The following SERPING1 variants were observed in gnomAD, a reference collection of about 807,000 sequenced individuals.
The protein encoded by SERPING1 is plasma protease C1 inhibitor.
SERPING1 carries 5 observed loss-of-function variants against 34.1 expected under a neutral mutation model. The observed-to-expected ratio is 0.15, with a 90% CI of 0.08 to 0.31. SERPING1 has a LOEUF of 0.31. SERPING1 is among the 10% of genes least tolerant of loss of function. SERPING1 has a pLI of 1.00. For synonymous variants in SERPING1, 225 were observed against 242.4 expected (o/e 0.93, Z 0.67); for missense variants, 505 against 609.5 (o/e 0.83, Z 1.81).
At position 57,598,315 on chromosome 11, in the gene SERPING1, G is replaced by A. The variant is rs1442865628; in HGVS notation, c.45G>A (p.Leu15=). The A allele has an allele frequency of 6.4e-7, 1 of 1,563,900 alleles. No individual in the cohort carries two copies. Among genetic ancestry groups the A allele is most frequent in the Non-Finnish European group, 8.7e-7 (1 of 1,155,476 alleles). ...LTLLTLLLLL[L]AGDRASSNPN... ...TGCTGACCCTCCTGCTGCTGCTGCT[G>A]GCTGGGGTATGTGGTCCCTTGTGGG... Residue 15 remains leucine, a synonymous_variant, in exon 2 of 8, where the codon CTG becomes CTA. Transcript: ENST00000278407.
intron 4 of SERPING1, among the ~76,000 whole-genome samples, chr11:57,602,651 A>T (rs1391557057): frequency 6.6e-6 from 1 of 151,368 alleles, no homozygotes; most frequent in Admixed American, 6.6e-5. Context: ...GCTATTCAGG[A>T]GGCTGAGGCA....
At chr11:57,606,733 A>G (rs1440958023) in intron 6 of SERPING1, 186 bp downstream of exon 6, 2 of 753,448 alleles carry the variant, frequency 2.7e-6, no homozygotes, top group African/African-American at 1.7e-5. Context: ...CAGACATTGT[A>G]TATTTTAGGC....
intron 6 of SERPING1, among the ~76,000 whole-genome samples, chr11:57,607,694 C>T (rs1052185109): frequency 6.6e-6 from 1 of 152,176 alleles, no homozygotes; most frequent in Non-Finnish European, 1.5e-5. Context: ...GGGTCTCACT[C>T]TGTCACTCAA....
intron 1 of SERPING1, chr11:57,598,024 G>C (rs1199336925): frequency 3.5e-6 from 2 of 566,676 alleles, no homozygotes; most frequent in African/African-American, 3.8e-5. Context: ...CAGAGACCCG[G>C]GCCCACGGGG....
At chr11:57,608,172 AT>A (rs149038833) in intron 6 of SERPING1, among the ~76,000 whole-genome samples, 21 of 152,158 alleles carry the variant, frequency 1.4e-4, no homozygotes, top group Non-Finnish European at 2.8e-4. Context: ...TAAATATGAG[AT>A]TTTTTTCAAA....
chr11:57,608,445 T>A (rs535401974), intron 6 of SERPING1, among the ~76,000 whole-genome samples: 1 of 152,278 alleles, frequency 6.6e-6, no homozygotes, highest in Non-Finnish European at 1.5e-5. Context: ...TAATAAATAT[T>A]CAAATACAAA....
At chr11:57,609,881 C>G (rs1945460441) in intron 6 of SERPING1, among the ~76,000 whole-genome samples, 1 of 152,148 alleles carries the variant, frequency 6.6e-6, no homozygotes, top group Admixed American at 6.5e-5. Flanking sequence ...GTCCTCCCAC[C>G]CTAGCCTCTT....
Position 57,600,391 on chromosome 11 carries a change from T to C in SERPING1, c.550+14T>C, listed in dbSNP as rs202062832. On this transcript the variant is annotated intron_variant, in intron 3 of 7. Coordinates refer to ENST00000278407, the MANE Select transcript of SERPING1 (RefSeq NM_000062.3). Reference sequence around the variant, plus strand: ...AGGTCCTGCTCGGTAAGACCCTGCTTGAATTCTCTCCAGGTCATTTGTTGG... The same window carrying C: ...AGGTCCTGCTCGGTAAGACCCTGCTCGAATTCTCTCCAGGTCATTTGTTGG... 2 of 1,612,106 alleles carry C rather than the reference T, an allele frequency of 1.2e-6. No individual in the cohort carries two copies.
At chr11:57,598,531 G>GAGAT (rs1945313299) in intron 2 of SERPING1, among the ~76,000 whole-genome samples, 1 of 152,204 alleles carries the variant, frequency 6.6e-6, no homozygotes, top group Non-Finnish European at 1.5e-5. Flanking sequence ...ATCTTGGCGG[G>GAGAT]CCATGTAGGA....
intron 7 of SERPING1, among the ~76,000 whole-genome samples, chr11:57,612,472 G>A (rs781681171): frequency 2.0e-5 from 3 of 149,514 alleles, no homozygotes; most frequent in Non-Finnish European, 3.0e-5. Flanking sequence ...GCAGTGGTGC[G>A]ATCTCTGCTC....
rs182779591 is a variant in SERPING1, at chr11:57,600,054, C to T, written c.227C>T (p.Thr76Ile). 7.7e-5 allele frequency: 125 copies of T among 1,614,110 alleles called. No homozygotes were observed. Among genetic ancestry groups the T allele is most frequent in the Non-Finnish European group, 9.5e-5 (112 of 1,179,996 alleles). Residue 76 changes from threonine to isoleucine, a missense_variant, in exon 3 of 8, where the codon ACC becomes ATC. By Grantham distance (89) the Thr-to-Ile change is moderately conservative. Transcript: ENST00000278407. Reference protein sequence around the residue: ...PTTNSTTNSATKITANTTDEP... With the variant: ...PTTNSTTNSAIKITANTTDEP... ...ACCAACTCAACAACCAATTCAGCCA[C>T]CAAAATAACAGCTAATACCACTGAT...
At chr11:57,601,114 A>T (rs1378177345) in intron 3 of SERPING1, among the ~76,000 whole-genome samples, 1 of 151,884 alleles carries the variant, frequency 6.6e-6, no homozygotes, top group Non-Finnish European at 1.5e-5. Context: ...AGAAGCAGAA[A>T]GCCAGGCCGG....
In SERPING1 at chr11:57,602,130, A is replaced by C. The variant is rs1387347122; in HGVS notation, c.646A>C (p.Lys216Gln). 6.2e-7 allele frequency: 1 copy of C among 1,614,182 alleles called. No homozygotes were observed. The highest frequency in any genetic ancestry group is 1.1e-5 in the South Asian group (1 of 91,088). The change falls in exon 4 of 8, where the codon AAA becomes CAA. Residue 216 changes from lysine to glutamine, a missense_variant. Coordinates refer to ENST00000278407, the MANE Select transcript of SERPING1 (RefSeq NM_000062.3). The part of the protein sequence containing the change: ...VHQALKGFTT[K>Q]GVTSVSQIFH... ...CCAGGCCCTGAAGGGCTTCACGACC[A>C]AAGGTGTCACCTCAGTCTCTCAGAT...
intron 7 of SERPING1, among the ~76,000 whole-genome samples, chr11:57,612,660 A>G (rs1170476848): frequency 1.3e-5 from 2 of 151,924 alleles, no homozygotes; most frequent in South Asian, 2.1e-4. Flanking sequence ...CTTGTGATCC[A>G]CCTGCCTCGG....
chr11:57,602,754 CA>C (rs1211774204), intron 4 of SERPING1, among the ~76,000 whole-genome samples: 75 of 88,114 alleles, frequency 8.5e-4, no homozygotes, highest in Admixed American at 1.4e-3. Context: ...GACTCCGTCT[CA>C]AAAAAAAAAA....
At position 57,598,044 on chromosome 11, in the gene SERPING1, G is replaced by A. The variant is rs1945306907; in HGVS notation, c.-22-205G>A. 6 of 570,330 alleles carry A rather than the reference G, an allele frequency of 1.1e-5. No homozygotes were observed. The South Asian group carries it at 1.5e-4, about 14-fold the overall frequency. 35.3% of individuals were successfully genotyped at this position (570,330 alleles called of 1,614,324 possible). On this transcript the variant is annotated intron_variant, in intron 1 of 7. Transcript: ENST00000278407. Reference sequence around the variant, plus strand: ...ACCCGGGCCCACGGGGAGAGGAAGGGCCAGCCGGTGCCGGGAAAGGGAAGC... The same window carrying A: ...ACCCGGGCCCACGGGGAGAGGAAGGACCAGCCGGTGCCGGGAAAGGGAAGC...
chr11:57,608,304 A>T (rs546612440), intron 6 of SERPING1, among the ~76,000 whole-genome samples: 2 of 152,226 alleles, frequency 1.3e-5, no homozygotes, highest in African/African-American at 4.8e-5. Flanking sequence ...TTTCCTCTCT[A>T]AAAATGTTTT....
At position 57,598,281 on chromosome 11, in the gene SERPING1, G is replaced by C; in HGVS notation, c.11G>C (p.Arg4Thr). The change falls in exon 2 of 8, where the codon AGG becomes ACG. Residue 4 changes from arginine (R) to threonine (T), a missense_variant. Physicochemically the swap from Arg to Thr is moderately conservative, Grantham distance 71 (BLOSUM62 -1). Coordinates refer to ENST00000278407, the MANE Select transcript of SERPING1 (RefSeq NM_000062.3). MASRLTLLTLLLLL... is the reference protein window; with the variant it reads MASTLTLLTLLLLL... Reference sequence around the variant, plus strand: ...GACGTCGCCGCCCAGATGGCCTCCAGGCTGACCCTGCTGACCCTCCTGCTG... The same window carrying C: ...GACGTCGCCGCCCAGATGGCCTCCACGCTGACCCTGCTGACCCTCCTGCTG... 6.4e-7 allele frequency: 1 copy of C among 1,560,278 alleles called. No homozygotes were observed. The highest frequency in any genetic ancestry group is 8.7e-7 in the Non-Finnish European group (1 of 1,152,214).
chr11:57,604,521 G>A (rs1342291300), intron 4 of SERPING1, among the ~76,000 whole-genome samples: 1 of 151,914 alleles, frequency 6.6e-6, no homozygotes, highest in African/African-American at 2.4e-5. Context: ...GCTGGGCTCT[G>A]AGCTCCCCAC....
Sources: gnomAD v4.1 joint callset for allele counts (sites outside exome capture counted in the v4.1 genomes callset) on GRCh38, gnomAD v4.1.1 for gene constraint, MANE v1.5 for transcripts, NCBI Gene and HGNC (gene_info 2026-07-23, HGNC 2026-07-21) for gene names.